The following CETP variants were observed in gnomAD, a reference collection of about 807,000 sequenced individuals.
CETP encodes the protein BPI fold containing family F.
CETP carries 56 observed loss-of-function variants against 66.5 expected under a neutral mutation model. The observed-to-expected ratio is 0.84, with a 90% CI of 0.68 to 1.05. The LOEUF (loss-of-function observed/expected upper bound fraction) is 1.05, where lower values mean the gene tolerates loss of function less well. CETP is among the 50% of genes least tolerant of loss of function. The pLI is 0.00. For missense variants in CETP, 612 were observed against 609.6 expected (o/e 1.00, Z -0.04); for synonymous variants, 251 against 245.7 (o/e 1.02, Z -0.20).
At chr16:56,974,407 C>A (rs955675782) in intron 9 of CETP, among the ~76,000 whole-genome samples, 7 of 152,190 alleles carry the variant, frequency 4.6e-5, no homozygotes, top group Non-Finnish European at 8.8e-5. Context: ...TATGATGGCA[C>A]CACTGCACTC....
At chr16:56,972,465 G>A (rs962457731) in intron 8 of CETP, among the ~76,000 whole-genome samples, 4 of 152,224 alleles carry the variant, frequency 2.6e-5, no homozygotes, top group African/African-American at 9.6e-5. Flanking sequence ...AAAGAAATCC[G>A]AAATAATAGC....
intron 2 of CETP, among the ~76,000 whole-genome samples, chr16:56,968,116 T>C (rs1232068748): frequency 1.3e-5 from 2 of 152,050 alleles, no homozygotes; most frequent in Admixed American, 1.3e-4. Context: ...ATGGGGTACA[T>C]GAGAGTACAT....
In CETP at chr16:56,973,280, T is replaced by C. The variant is rs9930761; in HGVS notation, c.751-51T>C. On this transcript the variant is annotated intron_variant, in intron 8 of 15. Transcript: ENST00000200676. ...CTCCCAATCTCCCTGAAGCTGGACCTGAGCCCAGTAGGGACACACAGGGTC... is the reference window on the plus strand; with the variant it reads ...CTCCCAATCTCCCTGAAGCTGGACCCGAGCCCAGTAGGGACACACAGGGTC... The C allele has an allele frequency of 0.064, 101,456 of 1,595,658 alleles. 3,587 individuals are homozygous for C. Among genetic ancestry groups the C allele is most frequent in the African/African-American group, 0.11 (8,227 of 74,664 alleles).
chr16:56,968,639 G>A (rs1389054682), intron 2 of CETP, among the ~76,000 whole-genome samples: 8 of 150,984 alleles, frequency 5.3e-5, no homozygotes, highest in Non-Finnish European at 8.8e-5. Context: ...ACAATTGTTC[G>A]TAGTATTCTC....
intron 10 of CETP, among the ~76,000 whole-genome samples, chr16:56,977,294 A>G (rs895095078): frequency 3.4e-4 from 52 of 152,132 alleles, no homozygotes; most frequent in African/African-American, 1.1e-3. Flanking sequence ...TTCTTGGGGC[A>G]TGTGATCTCC....
At chr16:56,978,573 G>A (rs2056166847) in intron 11 of CETP, among the ~76,000 whole-genome samples, 1 of 151,510 alleles carries the variant, frequency 6.6e-6, no homozygotes, top group South Asian at 2.1e-4. Flanking sequence ...CTCGAATCCT[G>A]GGCTCGAGTG....
At chr16:56,969,570 G>A in intron 3 of CETP, 41 bp from the exon 4 acceptor site, 2 of 1,614,106 alleles carry the variant, frequency 1.2e-6, no homozygotes, top group South Asian at 1.1e-5. Context: ...TCTCTGGGCT[G>A]GAGGGCTGAA....
chr16:56,982,379 C>G, intron 14 of CETP, 142 bp downstream of exon 14: 1 of 810,704 alleles, frequency 1.2e-6, no homozygotes, highest in Non-Finnish European at 2.1e-6. Context: ...CTTTCCTCTC[C>G]CTGCTGGTGG....
chr16:56,965,330 T>A (rs2056058405), intron 2 of CETP, among the ~76,000 whole-genome samples: 1 of 152,206 alleles, frequency 6.6e-6, no homozygotes, highest in South Asian at 2.1e-4. Context: ...ATGATTAATG[T>A]TAGATGAAGT....
rs549318719 is a variant in CETP, at chr16:56,977,387, T to A, written c.982-704T>A. Among the ~76,000 whole-genome samples the A allele has an allele frequency of 7.2e-5, 11 of 152,250 alleles. No homozygotes were observed. In the South Asian group the frequency reaches 2.1e-3, roughly 29 times the overall value. On this transcript the variant is annotated intron_variant, in intron 10 of 15. Coordinates refer to ENST00000200676, the MANE Select transcript of CETP (RefSeq NM_000078.3). ...GCTGGCTGCCTGCGCATTCCTTATC[T>A]TGGCCATGTTCCTTCCACAGGGCTC... is the stretch of plus-strand genomic sequence containing the variant.
intron 2 of CETP, among the ~76,000 whole-genome samples, chr16:56,968,359 T>C (rs529950307): frequency 4.5e-4 from 69 of 152,206 alleles, no homozygotes; most frequent in Middle Eastern, 3.4e-3. Context: ...TTAATTTTTT[T>C]GTATTTTTGT....
chr16:56,970,082 C>G, intron 5 of CETP, 81 bp downstream of exon 5: 1 of 1,346,964 alleles, frequency 7.4e-7, no homozygotes, highest in East Asian at 2.5e-5. Flanking sequence ...AGGCTCAACC[C>G]CACACAGGGC....
rs145328828 is a variant in CETP at position 56,983,370 on chromosome 16, A to C, written c.1366A>C (p.Ser456Arg). Reference sequence around the variant, plus strand: ...AGCCCTCATGAACAGCAAAGGCGTGAGCCTCTTCGACATCATCAACCCTGA... The same window carrying C: ...AGCCCTCATGAACAGCAAAGGCGTGCGCCTCTTCGACATCATCAACCCTGA... ...FTALMNSKGV[S>R]LFDIINPEII... Residue 456 changes from serine (S) to arginine (R), a missense_variant, in exon 15 of 16, where the codon AGC (serine) becomes CGC (arginine). Physicochemically the swap from Ser to Arg is moderately radical, Grantham distance 110. Coordinates refer to ENST00000200676, the MANE Select transcript of CETP (RefSeq NM_000078.3). 1.2e-6 allele frequency: 2 copies of C among 1,614,246 alleles called. No homozygotes were observed. The highest frequency in any genetic ancestry group is 4.5e-5 in the East Asian group (2 of 44,888).
intron 13 of CETP, 104 bp downstream of exon 13, chr16:56,981,784 A>C (rs2056190390): frequency 8.8e-7 from 1 of 1,138,604 alleles, no homozygotes; most frequent in Non-Finnish European, 1.3e-6. Flanking sequence ...CCAGACCAAA[A>C]GAATGTGGAC....
intron 10 of CETP, among the ~76,000 whole-genome samples, chr16:56,975,991 G>A (rs1248894634): frequency 6.6e-6 from 1 of 152,158 alleles, no homozygotes; most frequent in East Asian, 1.9e-4. Flanking sequence ...CTGAACTCAG[G>A]CCGTCCAGCC....
Position 56,970,019 on chromosome 16 carries a change from T to C in CETP, c.527+18T>C, listed in dbSNP as rs1235179791. On this transcript the variant is annotated intron_variant, in intron 5 of 15. Coordinates refer to ENST00000200676, the MANE Select transcript of CETP (RefSeq NM_000078.3). ...GAGCGAGAGTAAGTACACCACCCTGTGGCCCCCATTCCTGCTCGTGCCCAT... is the reference window on the plus strand; with the variant it reads ...GAGCGAGAGTAAGTACACCACCCTGCGGCCCCCATTCCTGCTCGTGCCCAT... The C allele has an allele frequency of 6.2e-7, 1 of 1,609,272 alleles. No homozygotes were observed. Among genetic ancestry groups the C allele is most frequent in the African/African-American group, 1.3e-5 (1 of 74,770 alleles).
Position 56,972,087 on chromosome 16 carries a change from G to A in CETP, c.750+4G>A. 1 of 1,611,458 alleles carries A rather than the reference G, an allele frequency of 6.2e-7. No homozygotes were observed. Among genetic ancestry groups the A allele is most frequent in the Non-Finnish European group, 8.5e-7 (1 of 1,177,640 alleles). On this transcript the variant is annotated splice_donor_region_variant and intron_variant, in intron 8 of 15. Coordinates refer to ENST00000200676, the MANE Select transcript of CETP (RefSeq NM_000078.3). Reference sequence around the variant, plus strand: ...CTACCTGGAGTCCCATCACAAGGTAGGAGTTGTGGGAGGGTGGGGCAGGGC... The same window carrying A: ...CTACCTGGAGTCCCATCACAAGGTAAGAGTTGTGGGAGGGTGGGGCAGGGC...
rs13306230 is a variant in CETP, at chr16:56,969,338, C to A, written c.234-48C>A. Reference sequence around the variant, plus strand: ...CAAAATTGGAGGCTCACTCCTTGGGCTCCCTGGATGACCCCCAACATCCTT... The same window carrying A: ...CAAAATTGGAGGCTCACTCCTTGGGATCCCTGGATGACCCCCAACATCCTT... On this transcript the variant is annotated intron_variant, in intron 2 of 15. Coordinates refer to ENST00000200676, the MANE Select transcript of CETP (RefSeq NM_000078.3). 1.7e-3 allele frequency: 2,695 copies of A among 1,612,240 alleles called. 36 individuals carry two copies. In the East Asian group the frequency reaches 0.019, roughly 12 times the overall value.
intron 5 of CETP, among the ~76,000 whole-genome samples, chr16:56,970,793 T>C (rs897722569): frequency 3.3e-5 from 5 of 152,232 alleles, no homozygotes; most frequent in Non-Finnish European, 7.3e-5. Flanking sequence ...TTCTCGTGTG[T>C]GTGACAGGTG....
Sources: allele counts gnomAD v4.1 joint callset (sites outside exome capture counted in the v4.1 genomes callset), GRCh38; gene constraint gnomAD v4.1.1; transcripts MANE v1.5; gene names NCBI Gene and HGNC (gene_info 2026-07-23, HGNC 2026-07-21).